RARB: variants seen among roughly 807,000 people sequenced by gnomAD.
RARB encodes retinoic acid receptor beta.
RARB carries 17 observed loss-of-function variants against 51.9 expected under a neutral mutation model. The observed-to-expected ratio is 0.33, with a 90% confidence interval of 0.22 to 0.49. The LOEUF (loss-of-function observed/expected upper bound fraction) is 0.49, where lower values mean the gene tolerates loss of function less well. RARB is among the 20% of genes least tolerant of loss of function. The pLI is 0.99. For synonymous variants in RARB, 215 were observed against 195.4 expected, an observed-to-expected ratio of 1.10 and a Z score of -0.84; for missense variants, 369 against 550.8, an observed-to-expected ratio of 0.67 and a Z score of 3.30.
At chr3:25,473,872 G>C (rs1575438285) in intron 2 of RARB, among the ~76,000 whole-genome samples, 1 of 144,896 alleles carries the variant, frequency 6.9e-6, no homozygotes, top group Non-Finnish European at 1.5e-5. Flanking sequence ...AAGATCTTCG[G>C]TGACCCTCTC....
chr3:25,544,630 G>T (rs966541181), intron 3 of RARB, among the ~76,000 whole-genome samples: 2 of 152,252 alleles, frequency 1.3e-5, no homozygotes, highest in Non-Finnish European at 2.9e-5. Context: ...TGGAATTTGG[G>T]AAACAGGCAG....
intron 5 of RARB, among the ~76,000 whole-genome samples, chr3:25,309,576 C>A (rs544148363): frequency 6.9e-6 from 1 of 145,512 alleles, no homozygotes; most frequent in Non-Finnish European, 1.5e-5. Context: ...CAGCTCACTG[C>A]AACCTCCCCC....
intron 2 of RARB, among the ~76,000 whole-genome samples, chr3:24,878,094 G>C (rs114841610): frequency 2.0e-5 from 3 of 152,114 alleles, no homozygotes; most frequent in Non-Finnish European, 4.4e-5. Context: ...AGGCTATGTC[G>C]TTAGCCATAT....
intron 5 of RARB, among the ~76,000 whole-genome samples, chr3:25,369,888 C>T (rs1020297898): frequency 6.6e-6 from 1 of 151,904 alleles, no homozygotes; most frequent in Non-Finnish European, 1.5e-5. Context: ...TGCCATTGCA[C>T]TCCAGCCTGG....
At chr3:25,024,171 A>C (rs873390) in intron 2 of RARB, among the ~76,000 whole-genome samples, 2 of 152,184 alleles carry the variant, frequency 1.3e-5, no homozygotes, top group Non-Finnish European at 2.9e-5. Context: ...ATTAAAACAC[A>C]TAGAAACTCA....
intron 2 of RARB, among the ~76,000 whole-genome samples, chr3:25,021,506 TAAGTA>T (rs1232286184): frequency 6.6e-6 from 1 of 152,080 alleles, no homozygotes; most frequent in Non-Finnish European, 1.5e-5. Context: ...AAGGAAGTGA[TAAGTA>T]AAGAGAAGCA....
chr3:25,441,420 G>T, intron 1 of RARB: 1 of 195,230 alleles, frequency 5.1e-6, no homozygotes, highest in Non-Finnish European at 1.1e-5. Context: ...GTAACAATGA[G>T]GTTTCTCCAC....
chr3:25,229,757 G>A (rs558890647), intron 5 of RARB, among the ~76,000 whole-genome samples: 15 of 141,578 alleles, frequency 1.1e-4, no homozygotes, highest in African/African-American at 4.0e-4. Flanking sequence ...TTCCTTGGCA[G>A]GTCAAGAGGA....
chr3:25,524,868 T>G (rs1698576487), intron 3 of RARB, among the ~76,000 whole-genome samples: 1 of 152,068 alleles, frequency 6.6e-6, no homozygotes, highest in African/African-American at 2.4e-5. Flanking sequence ...TAGCTGAGAT[T>G]ACAGGTGCTC....
chr3:25,369,240 A>G (rs749620879), intron 5 of RARB, among the ~76,000 whole-genome samples: 8 of 152,206 alleles, frequency 5.3e-5, no homozygotes, highest in Non-Finnish European at 1.0e-4. Context: ...CACTTATTTT[A>G]TATATGACAC....
At chr3:24,863,662 C>T (rs2125343721) in intron 2 of RARB, among the ~76,000 whole-genome samples, 1 of 151,370 alleles carries the variant, frequency 6.6e-6, no homozygotes, top group South Asian at 2.1e-4. Context: ...CACTAATTTT[C>T]ACTGACTAGG....
chr3:25,082,883 C>T (rs745483516), intron 3 of RARB, among the ~76,000 whole-genome samples: 10 of 152,004 alleles, frequency 6.6e-5, no homozygotes, highest in Admixed American at 1.3e-4. Flanking sequence ...ACTTTTGTTA[C>T]TCTGAAAACT....
At chr3:25,344,348 T>A (rs1705323536) in intron 5 of RARB, among the ~76,000 whole-genome samples, 1 of 152,222 alleles carries the variant, frequency 6.6e-6, no homozygotes, top group African/African-American at 2.4e-5. Flanking sequence ...GTTTTCATAC[T>A]AACAAATTAA....
At chr3:25,450,029 G>C (rs976168810) in intron 1 of RARB, among the ~76,000 whole-genome samples, 1 of 152,208 alleles carries the variant, frequency 6.6e-6, no homozygotes, top group Non-Finnish European at 1.5e-5. Flanking sequence ...GGGATTACAG[G>C]CTTAAGCCAC....
rs549485923 is a variant in RARB, at chr3:24,958,667, T to C, written c.-380+99915T>C. ...CTCTGAGAAGCAGAGAACTAAAGCA[T>C]GTGTTTAATTAAATAGAAGTTATAG... On this transcript the variant is annotated intron_variant, in intron 2 of 11. Transcript: ENST00000383772. 3.1e-3 allele frequency among the ~76,000 whole-genome samples: 467 copies of C among 152,272 alleles called. 2 individuals carry two copies. Among genetic ancestry groups the C allele is most frequent in the Non-Finnish European group, 3.5e-3 (235 of 68,012 alleles).
At chr3:25,484,869 A>G (rs1696384822) in intron 2 of RARB, among the ~76,000 whole-genome samples, 1 of 152,144 alleles carries the variant, frequency 6.6e-6, no homozygotes, top group Non-Finnish European at 1.5e-5. Flanking sequence ...ATATTTATGG[A>G]AACACACGAA....
chr3:25,575,783 G>A (rs1459162291), intron 4 of RARB, among the ~76,000 whole-genome samples: 7 of 152,038 alleles, frequency 4.6e-5, no homozygotes, highest in African/African-American at 7.3e-5. Context: ...TTCAAATAGC[G>A]TCACATTCTG....
chr3:24,836,042 G>A (rs780320120), intron 1 of RARB, among the ~76,000 whole-genome samples: 11 of 152,186 alleles, frequency 7.2e-5, no homozygotes, highest in Non-Finnish European at 8.8e-5. Flanking sequence ...CAAATGCTCT[G>A]TGTTCTCTTT....
intron 1 of RARB, among the ~76,000 whole-genome samples, chr3:24,856,906 G>C (rs1702643654): frequency 6.6e-6 from 1 of 152,126 alleles, no homozygotes; most frequent in Non-Finnish European, 1.5e-5. Flanking sequence ...GGGGGCAGGG[G>C]GATGGAGGAG....
Sources: allele counts gnomAD v4.1 joint callset (sites outside exome capture counted in the v4.1 genomes callset), GRCh38; gene constraint gnomAD v4.1.1; transcripts MANE v1.5; gene names NCBI Gene and HGNC (gene_info 2026-07-23, HGNC 2026-07-21).